ATAD2B: variants seen among roughly 807,000 people sequenced by gnomAD.
The protein encoded by ATAD2B is ATPase family AAA domain-containing protein 2B.
A neutral mutation model predicts 167.6 loss-of-function variants in ATAD2B; 40 were observed. The observed-to-expected ratio is 0.24, with a 90% CI of 0.19 to 0.31. ATAD2B has a LOEUF of 0.31. ATAD2B is among the 10% of genes least tolerant of loss of function. The probability of loss-of-function intolerance (pLI) is 1.00; values close to 1 mark genes in which losing one functional copy is unlikely to be tolerated. For synonymous variants in ATAD2B, 579 were observed against 596.5 expected (o/e 0.97, Z 0.43); for missense variants, 1,242 against 1,757.2 (o/e 0.71, Z 5.24).
At chr2:23,923,796 T>C (rs1427713453) in intron 1 of ATAD2B, among the ~76,000 whole-genome samples, 1 of 152,156 alleles carries the variant, frequency 6.6e-6, no homozygotes, top group Non-Finnish European at 1.5e-5. Flanking sequence ...CTATGACTTT[T>C]TAAAGCAAAT....
At chr2:23,914,146 A>G (rs1302032666) in intron 1 of ATAD2B, among the ~76,000 whole-genome samples, 2 of 152,218 alleles carry the variant, frequency 1.3e-5, no homozygotes, top group Non-Finnish European at 2.9e-5. Flanking sequence ...ACAGACCAAC[A>G]GAAAAGAACA....
chr2:23,817,357 A>T (rs1180344629), intron 17 of ATAD2B, among the ~76,000 whole-genome samples: 1 of 152,222 alleles, frequency 6.6e-6, no homozygotes, highest in East Asian at 1.9e-4. Context: ...ATGATTGTTA[A>T]GGGGCCTATA....
Position 23,819,712 on chromosome 2 carries a change from T to C in ATAD2B, c.2267+35A>G, listed in dbSNP as rs769268242. 2.0e-6 allele frequency: 3 copies of C among 1,504,142 alleles called. No individual in the cohort carries two copies. In the South Asian group the frequency reaches 3.6e-5, roughly 18 times the overall value. The allele number at this position is 1,504,142 out of a possible 1,614,324, so 93.2% of individuals were successfully genotyped here. The stretch of plus-strand genomic sequence containing the variant: ...CTAATCATAAAGTATCAAAAATCAC[T>C]CTAAATACAAAGAAAGTTGATATAA... On this transcript the variant is annotated intron_variant, in intron 17 of 27. Transcript: ENST00000238789.
At chr2:23,734,010 T>C in the ATAD2B span, among the ~76,000 whole-genome samples, 1 of 152,216 alleles carries the variant, frequency 6.6e-6, no homozygotes, top group Non-Finnish European at 1.5e-5. Context: ...CTGATTTTTA[T>C]TGCATTCTTT....
At chr2:23,683,798 GA>G in the ATAD2B span, among the ~76,000 whole-genome samples, 2 of 152,222 alleles carry the variant, frequency 1.3e-5, no homozygotes, top group East Asian at 3.9e-4. Context: ...TTGCTTTCCC[GA>G]AAAGTCCCCA....
intron 10 of ATAD2B, among the ~76,000 whole-genome samples, chr2:23,866,361 C>T (rs918265337): frequency 1.7e-4 from 26 of 152,196 alleles, no homozygotes; most frequent in Admixed American, 3.3e-4. Context: ...GCTGAGATTG[C>T]GCCATTGTAC....
chr2:23,922,863 T>C (rs1256472305), intron 1 of ATAD2B, among the ~76,000 whole-genome samples: 1 of 151,728 alleles, frequency 6.6e-6, no homozygotes, highest in Non-Finnish European at 1.5e-5. Context: ...AGACAACAAA[T>C]ATTGGGGAGA....
chr2:23,885,658 A>T lies in ATAD2B; in HGVS notation c.675+69T>A, dbSNP rs776593219. 55 of 869,886 alleles carry T rather than the reference A, an allele frequency of 6.3e-5. 2 individuals carry two copies. In the South Asian group the frequency reaches 9.2e-4, roughly 14 times the overall value. 53.9% of individuals were successfully genotyped at this position (869,886 alleles called of 1,614,324 possible). ...TAATTCAAAAACATCCAACTGTTGCATTCTCCCTTTAAATTCCTCAATTAA... is the reference window on the plus strand; with the variant it reads ...TAATTCAAAAACATCCAACTGTTGCTTTCTCCCTTTAAATTCCTCAATTAA... On this transcript the variant is annotated intron_variant, in intron 5 of 27. Coordinates refer to ENST00000238789, the MANE Select transcript of ATAD2B (RefSeq NM_017552.4).
chr2:23,889,718 G>A (rs979403506), intron 2 of ATAD2B, among the ~76,000 whole-genome samples: 10 of 151,652 alleles, frequency 6.6e-5, no homozygotes, highest in East Asian at 4.0e-4. Context: ...TCAGGAGTTC[G>A]AGACCAGCCT....
At chr2:23,703,453 G>A in the ATAD2B span, 1 of 1,311,174 alleles carries the variant, frequency 7.6e-7, no homozygotes, top group Non-Finnish European at 1.0e-6. Context: ...AGTATCCCAT[G>A]CCCAGAAGTC....
At chr2:23,790,051 C>T (rs1036979132) in intron 19 of ATAD2B, among the ~76,000 whole-genome samples, 7 of 152,148 alleles carry the variant, frequency 4.6e-5, no homozygotes, top group Admixed American at 4.6e-4. Flanking sequence ...CGTTCCAGTG[C>T]TTTTGTAGAC....
At chr2:23,880,541 C>T (rs938661945) in intron 7 of ATAD2B, 98 bp downstream of exon 7, 49 of 676,490 alleles carry the variant, frequency 7.2e-5, no homozygotes, top group South Asian at 2.4e-4. Flanking sequence ...CCAGCCTGGG[C>T]GATGGAGCGA....
chr2:23,684,516 A>G, the ATAD2B span: 1 of 1,549,476 alleles, frequency 6.5e-7, no homozygotes, highest in Non-Finnish European at 8.7e-7. This position sits in a 1 kb window ranked among gnomAD's most constrained non-coding sequence, Gnocchi z 4.4. Flanking sequence ...TGCAGCTTGT[A>G]TTTCAAGGAC....
chr2:23,766,151 G>A (rs562363147), intron 22 of ATAD2B, among the ~76,000 whole-genome samples: 2 of 152,130 alleles, frequency 1.3e-5, no homozygotes, highest in East Asian at 3.9e-4. Flanking sequence ...AAGCTAAAGG[G>A]CACAAGATGG....
the ATAD2B span, chr2:23,690,039 T>C: frequency 2.0e-5 from 3 of 152,130 alleles, no homozygotes; most frequent in Admixed American, 2.0e-4. Flanking sequence ...GATGAGCCGT[T>C]GTGTGGGGAG....
the ATAD2B span, chr2:23,703,625 C>A: frequency 7.2e-7 from 1 of 1,395,368 alleles, no homozygotes; most frequent in South Asian, 1.5e-5. Context: ...GGAAGTCTTT[C>A]GAGCTTCCTT....
chr2:23,737,015 G>A, the ATAD2B span, among the ~76,000 whole-genome samples: 1 of 152,180 alleles, frequency 6.6e-6, no homozygotes, highest in African/African-American at 2.4e-5. Flanking sequence ...GCATTGCTGA[G>A]TTAGTTGTTT....
chr2:23,918,031 GA>G (rs1703308572), intron 1 of ATAD2B, among the ~76,000 whole-genome samples: 1 of 150,916 alleles, frequency 6.6e-6, no homozygotes, highest in African/African-American at 2.4e-5. Context: ...TGGGCAACAA[GA>G]GCGAAACTCC....
chr2:23,782,415 T>G (rs1299616279), intron 22 of ATAD2B, among the ~76,000 whole-genome samples: 2 of 152,162 alleles, frequency 1.3e-5, no homozygotes, highest in Non-Finnish European at 2.9e-5. Flanking sequence ...ACAGGATGGA[T>G]TAGGAGTAAA....
Sources: gnomAD v4.1 joint callset for allele counts (sites outside exome capture counted in the v4.1 genomes callset) on GRCh38, gnomAD v4.1.1 for gene constraint, Gnocchi (gnomAD v3.1) non-coding constraint, MANE v1.5 for transcripts, NCBI Gene and HGNC (gene_info 2026-07-23, HGNC 2026-07-21) for gene names.